The following CWC15 variants were observed in gnomAD, a reference collection of about 807,000 sequenced individuals.
CWC15 encodes spliceosome-associated protein CWC15 homolog.
A neutral mutation model predicts 28.4 loss-of-function variants in CWC15; 12 were observed. That is an observed-to-expected ratio of 0.42 (90% CI 0.27 to 0.69). CWC15 has a LOEUF of 0.69. Ranked by LOEUF, CWC15 falls within the 30% of genes least tolerant of loss-of-function variation. The pLI, the probability that CWC15 is intolerant of heterozygous loss-of-function variation, is 0.23. For missense variants in CWC15, 192 were observed against 271.5 expected, an observed-to-expected ratio of 0.71 and a Z score of 2.06; for synonymous variants, 92 against 88.4, an observed-to-expected ratio of 1.04 and a Z score of -0.23.
intron 6 of CWC15, among the ~76,000 whole-genome samples, chr11:94,965,179 A>T (rs1169921668): frequency 1.3e-5 from 2 of 152,214 alleles, no homozygotes; most frequent in African/African-American, 2.4e-5. Context: ...GTACTGCATC[A>T]CTCCAGAAGG....
At position 94,963,320 on chromosome 11, in the gene CWC15, C is replaced by T. The variant is rs1857593823; in HGVS notation, c.*65G>A. The stretch of plus-strand genomic sequence containing the variant: ...TAGACAGGGGAAAAGAAAAAAAAAA[C>T]TCATAAAAAAAGTCAGAATGATCCT... On this transcript the variant is annotated 3_prime_UTR_variant, in exon 7 of 7. Transcript: ENST00000279839. The T allele has an allele frequency of 2.8e-6, 3 of 1,084,080 alleles. No homozygotes were observed. The highest frequency in any genetic ancestry group is 1.6e-5 in the African/African-American group (1 of 61,276). 67.2% of individuals were successfully genotyped at this position (1,084,080 alleles called of 1,614,324 possible).
chr11:94,971,595 A>G (rs1857723245), intron 2 of CWC15, 108 bp from the exon 3 acceptor site: 7 of 652,350 alleles, frequency 1.1e-5, no homozygotes, highest in Non-Finnish European at 1.8e-5. Flanking sequence ...TTGTCCTTCA[A>G]GCAGAAAAAA....
chr11:94,967,262 G>A (rs587716627), intron 5 of CWC15, among the ~76,000 whole-genome samples: 5 of 151,986 alleles, frequency 3.3e-5, no homozygotes, highest in African/African-American at 9.7e-5. Flanking sequence ...TCCTGACCTC[G>A]TGATCCGTTC....
Position 94,963,405 on chromosome 11 carries a change from T to G in CWC15, c.670A>C (p.Met224Leu), listed in dbSNP as rs1389158286. 1 of 1,581,634 alleles carries G rather than the reference T, an allele frequency of 6.3e-7. No homozygotes were observed. Among genetic ancestry groups the G allele is most frequent in the Non-Finnish European group, 8.6e-7 (1 of 1,161,376 alleles). The stretch of plus-strand genomic sequence containing the variant: ...CTGTACTATTTAATATATTTCTCCA[T>G]GAACTTTTTGTGAAATTCAGATCGC... The part of the protein sequence containing the change: ...TLRSEFHKKF[M>L]EKYIK Residue 224 changes from methionine (M) to leucine (L), a missense_variant, in exon 7 of 7, where the codon ATG becomes CTG. Met to Leu is a conservative substitution (Grantham distance 15). This residue lies in a region of CWC15 where 188 missense variants were observed against 250.3 expected (regional missense o/e 0.75). Coordinates refer to ENST00000279839, the MANE Select transcript of CWC15 (RefSeq NM_016403.4).
intron 4 of CWC15, 23 bp downstream of exon 4, chr11:94,970,954 T>A: frequency 6.4e-7 from 1 of 1,553,344 alleles, no homozygotes; most frequent in East Asian, 2.2e-5. Flanking sequence ...TTATTAGAGA[T>A]GAAAGGAGGA....
At chr11:94,970,420 G>A (rs1377298869) in intron 4 of CWC15, 1 of 197,028 alleles carries the variant, frequency 5.1e-6, no homozygotes, top group African/African-American at 2.3e-5. Flanking sequence ...ATGCCACTCA[G>A]GTTTTTCACT....
Position 94,973,543 on chromosome 11 carries a change from C to A in CWC15, c.-54G>T, listed in dbSNP as rs1395990780. On this transcript the variant is annotated 5_prime_UTR_variant, in exon 1 of 7. Transcript: ENST00000279839. Reference sequence around the variant, plus strand: ...GCAGGCTCCGAAGATCATACAGACGCCATTACCACTCTTGGCTCCCAGAAA... The same window carrying A: ...GCAGGCTCCGAAGATCATACAGACGACATTACCACTCTTGGCTCCCAGAAA... 3 of 152,388 alleles carry A rather than the reference C, an allele frequency of 2.0e-5. No individual in the cohort carries two copies. The highest frequency in any genetic ancestry group is 7.2e-5 in the African/African-American group (3 of 41,466). 9.4% of individuals were successfully genotyped at this position (152,388 alleles called of 1,614,324 possible).
At chr11:94,971,562 G>A (rs890434900) in intron 2 of CWC15, 75 bp from the exon 3 acceptor site, 1 of 814,592 alleles carries the variant, frequency 1.2e-6, no homozygotes, top group Admixed American at 2.7e-5. Flanking sequence ...TGTAGTAATG[G>A]AAGACAATTC....
intron 1 of CWC15, among the ~76,000 whole-genome samples, chr11:94,972,757 T>G (rs1257204298): frequency 6.6e-6 from 1 of 152,064 alleles, no homozygotes; most frequent in Non-Finnish European, 1.5e-5. Flanking sequence ...TCAATGACAG[T>G]TACACAGAAA....
chr11:94,971,809 T>A (rs587598230), intron 2 of CWC15, among the ~76,000 whole-genome samples: 1 of 152,330 alleles, frequency 6.6e-6, no homozygotes, highest in South Asian at 2.1e-4. Context: ...CTGGTGCTCA[T>A]AGTGCATACT....
chr11:94,967,321 C>T (rs1426316711), intron 5 of CWC15, among the ~76,000 whole-genome samples: 1 of 152,100 alleles, frequency 6.6e-6, no homozygotes, highest in Non-Finnish European at 1.5e-5. Context: ...CCACCGTGCC[C>T]GGCCTCAGTT....
At chr11:94,972,024 T>C in intron 2 of CWC15, 31 bp downstream of exon 2, 3 of 1,595,164 alleles carry the variant, frequency 1.9e-6, no homozygotes, top group South Asian at 1.1e-5. Context: ...GGTCTTGTTT[T>C]GTGAACAATA....
intron 5 of CWC15, among the ~76,000 whole-genome samples, chr11:94,969,120 G>A (rs1857684306): frequency 6.6e-6 from 1 of 152,148 alleles, no homozygotes; most frequent in South Asian, 2.1e-4. Flanking sequence ...GTCACTATCT[G>A]TCAACTCAAC....
chr11:94,965,836 C>G (rs782307796), intron 6 of CWC15, among the ~76,000 whole-genome samples: 1 of 152,174 alleles, frequency 6.6e-6, no homozygotes, highest in Non-Finnish European at 1.5e-5. Context: ...CCTCTATTCT[C>G]TGTGTGTGTC....
chr11:94,963,446 A>C lies in CWC15; in HGVS notation c.629T>G (p.Phe210Cys). 6.3e-7 allele frequency: 1 copy of C among 1,583,566 alleles called. No homozygotes were observed. Among genetic ancestry groups the C allele is most frequent in the Non-Finnish European group, 8.6e-7 (1 of 1,162,798 alleles). The stretch of plus-strand genomic sequence containing the variant: ...TTCAGATCGCAGTGTGTCATTTACA[A>C]ATCTTTTGTCTTTCTTCTGGTCATC... ...GVDDQKKDKRFVNDTLRSEFH... is the reference protein window; with the variant it reads ...GVDDQKKDKRCVNDTLRSEFH... Residue 210 changes from phenylalanine (F) to cysteine (C), a missense_variant, in exon 7 of 7, where the codon TTT becomes TGT. Coordinates refer to ENST00000279839, the MANE Select transcript of CWC15 (RefSeq NM_016403.4).
chr11:94,963,827 G>A (rs1269758099), intron 6 of CWC15, among the ~76,000 whole-genome samples: 3 of 152,092 alleles, frequency 2.0e-5, no homozygotes, highest in Non-Finnish European at 4.4e-5. Context: ...AGGTCTAATA[G>A]AAAGAAGCAG....
At chr11:94,971,243 A>T in intron 3 of CWC15, 132 bp downstream of exon 3, 1 of 942,590 alleles carries the variant, frequency 1.1e-6, no homozygotes, top group Non-Finnish European at 1.6e-6. Context: ...ATCTCTAATG[A>T]CCTAAGAAAG....
intron 6 of CWC15, among the ~76,000 whole-genome samples, chr11:94,963,897 T>G (rs1439106151): frequency 2.6e-5 from 4 of 152,224 alleles, no homozygotes; most frequent in Admixed American, 6.5e-5. Flanking sequence ...CCAATCAATT[T>G]AATGTAGTTT....
chr11:94,965,365 T>C (rs782534197), intron 6 of CWC15, among the ~76,000 whole-genome samples: 4 of 152,260 alleles, frequency 2.6e-5, no homozygotes, highest in Non-Finnish European at 5.9e-5. Context: ...TTTTATTTTA[T>C]ATATCACCAT....
Sources: allele counts gnomAD v4.1 joint callset (sites outside exome capture counted in the v4.1 genomes callset), GRCh38; gene constraint gnomAD v4.1.1; regional missense constraint gnomAD v4.1.1; transcripts MANE v1.5; gene names NCBI Gene and HGNC (gene_info 2026-07-23, HGNC 2026-07-21).